Variants in PIGK observed in about 807,000 individuals in gnomAD.
The protein encoded by PIGK is GPI-anchor transamidase.
In PIGK, 42 loss-of-function variants were observed where a neutral mutation model predicts 50.6. That is an observed-to-expected ratio of 0.83 (90% CI 0.65 to 1.07). The LOEUF (loss-of-function observed/expected upper bound fraction) is 1.07. Ranked by LOEUF, PIGK falls within the 50% of genes least tolerant of loss-of-function variation. The probability of loss-of-function intolerance (pLI) is 0.00; values close to 1 mark genes in which losing one functional copy is unlikely to be tolerated. For missense variants in PIGK, 448 were observed against 488.7 expected (o/e 0.92, Z 0.78); for synonymous variants, 151 against 156.0 (o/e 0.97, Z 0.24).
chr1:77,121,128 C>T (rs1174637193), intron 10 of PIGK, among the ~76,000 whole-genome samples: 2 of 152,204 alleles, frequency 1.3e-5, no homozygotes, highest in African/African-American at 4.8e-5. Context: ...CAAACTGTTT[C>T]ATCGCTCACT....
chr1:77,189,744 T>C (rs1185609699), intron 3 of PIGK, among the ~76,000 whole-genome samples: 178 of 38,920 alleles, frequency 4.6e-3, no homozygotes, highest in African/African-American at 0.011. Context: ...TATATATATA[T>C]ATATACACAC....
intron 4 of PIGK, among the ~76,000 whole-genome samples, chr1:77,167,345 C>A (rs995234455): frequency 6.6e-6 from 1 of 151,978 alleles, no homozygotes; most frequent in African/African-American, 2.4e-5. Context: ...AAACAAAAAA[C>A]AAAAACAAGC....
At position 77,130,189 on chromosome 1, in the gene PIGK, C is replaced by CTTTT. The variant is rs67252426; in HGVS notation, c.987-7834_987-7831dup. Among the ~76,000 whole-genome samples, 173 of 103,924 alleles carry CTTTT rather than the reference C, an allele frequency of 1.7e-3. 4 individuals carry two copies. The highest frequency in any genetic ancestry group is 5.9e-3 in the African/African-American group (149 of 25,128). 68.2% of individuals were successfully genotyped at this position (103,924 alleles called of 152,430 possible). ...TCTCTTTTAACTTTGTTTGCATTGTCTTTTTTTTTTTTTTTTGCTATATAT... is the reference window on the plus strand; with the variant it reads ...TCTCTTTTAACTTTGTTTGCATTGTCTTTTTTTTTTTTTTTTTTTTGCTATATAT... On this transcript the variant is annotated intron_variant, in intron 9 of 10. Transcript: ENST00000370812.
intron 10 of PIGK, among the ~76,000 whole-genome samples, chr1:77,101,371 T>C (rs1018491434): frequency 6.6e-6 from 1 of 152,194 alleles, no homozygotes; most frequent in Non-Finnish European, 1.5e-5. Context: ...CCAGTAAGAA[T>C]TAATTTCTTC....
intron 9 of PIGK, among the ~76,000 whole-genome samples, chr1:77,133,313 A>G (rs1231690185): frequency 6.6e-6 from 1 of 152,166 alleles, no homozygotes; most frequent in East Asian, 1.9e-4. Flanking sequence ...TTCAGATACC[A>G]TATTTTTCAA....
At chr1:77,123,390 C>CAA in intron 9 of PIGK, among the ~76,000 whole-genome samples, 2 of 152,092 alleles carry the variant, frequency 1.3e-5, no homozygotes, top group Non-Finnish European at 2.9e-5. Flanking sequence ...AATGAGAACT[C>CAA]TAGAATCTCT....
intron 9 of PIGK, among the ~76,000 whole-genome samples, chr1:77,139,799 C>T (rs1397959342): frequency 7.2e-5 from 11 of 152,186 alleles, no homozygotes; most frequent in Middle Eastern, 3.4e-3. Flanking sequence ...TATCTTGTAA[C>T]GGAATAATTT....
chr1:77,183,225 G>A (rs1655661308), intron 3 of PIGK, among the ~76,000 whole-genome samples: 1 of 152,222 alleles, frequency 6.6e-6, no homozygotes, highest in South Asian at 2.1e-4. Flanking sequence ...GGAGGACCCA[G>A]ATGAAGCTGG....
At chr1:77,214,959 T>C (rs910011138) in intron 1 of PIGK, among the ~76,000 whole-genome samples, 1 of 152,072 alleles carries the variant, frequency 6.6e-6, no homozygotes, top group African/African-American at 2.4e-5. Context: ...GAAAAATCTC[T>C]ACAATGAAAA....
chr1:77,153,507 C>T (rs572875762), intron 9 of PIGK: 1 of 152,128 alleles, frequency 6.6e-6, no homozygotes, highest in Non-Finnish European at 1.5e-5. Context: ...GTACCCAACA[C>T]AAAGAAAAGA....
chr1:77,134,645 G>A (rs1218101367), intron 9 of PIGK, among the ~76,000 whole-genome samples: 1 of 152,102 alleles, frequency 6.6e-6, no homozygotes, highest in Non-Finnish European at 1.5e-5. Flanking sequence ...GCTCATCTCT[G>A]AGAAGTTTCC....
At chr1:77,110,559 G>A (rs936066365) in intron 10 of PIGK, among the ~76,000 whole-genome samples, 8 of 152,188 alleles carry the variant, frequency 5.3e-5, no homozygotes, top group Admixed American at 2.0e-4. Context: ...CTAGCCATAT[G>A]TAGAAAGCTG....
intron 9 of PIGK, among the ~76,000 whole-genome samples, chr1:77,153,066 AT>A (rs1285694747): frequency 6.6e-6 from 1 of 152,204 alleles, no homozygotes; most frequent in Non-Finnish European, 1.5e-5. Context: ...CTGCACTCCC[AT>A]GTCTATTGCA....
At chr1:77,128,531 T>C (rs916602484) in intron 9 of PIGK, among the ~76,000 whole-genome samples, 1 of 152,192 alleles carries the variant, frequency 6.6e-6, no homozygotes, top group Non-Finnish European at 1.5e-5. Flanking sequence ...GTAAAAATTA[T>C]AGGCAGGCTT....
At chr1:77,161,817 CA>C in intron 6 of PIGK, 106 bp from the exon 7 acceptor site, 1 of 676,020 alleles carries the variant, frequency 1.5e-6, no homozygotes. Flanking sequence ...TTAGTCATTT[CA>C]TTAGCTAAAA....
intron 10 of PIGK, among the ~76,000 whole-genome samples, chr1:77,106,780 A>T (rs1237352757): frequency 6.6e-6 from 1 of 152,080 alleles, no homozygotes; most frequent in Non-Finnish European, 1.5e-5. Flanking sequence ...AATGTTTAGC[A>T]TCTACATATC....
intron 10 of PIGK, among the ~76,000 whole-genome samples, chr1:77,109,417 A>G (rs1486231879): frequency 6.6e-6 from 1 of 152,226 alleles, no homozygotes; most frequent in Admixed American, 6.5e-5. Context: ...CACCATGATC[A>G]AGTGGGCTTC....
intron 6 of PIGK, 34 bp from the exon 7 acceptor site, chr1:77,161,745 T>C: frequency 1.2e-6 from 1 of 869,558 alleles, no homozygotes; most frequent in Non-Finnish European, 2.0e-6. Context: ...TTGACAAGGA[T>C]CATGCTGTAA....
At chr1:77,179,842 C>T (rs1170469205) in intron 3 of PIGK, among the ~76,000 whole-genome samples, 1 of 152,064 alleles carries the variant, frequency 6.6e-6, no homozygotes, top group African/African-American at 2.4e-5. Flanking sequence ...GTTTACTGTT[C>T]AGAACAATCA....
Sources: gnomAD v4.1 joint callset for allele counts (sites outside exome capture counted in the v4.1 genomes callset) on GRCh38, gnomAD v4.1.1 for gene constraint, MANE v1.5 for transcripts, NCBI Gene and HGNC (gene_info 2026-07-23, HGNC 2026-07-21) for gene names.